The following ZC3H14 variants were observed in gnomAD, a reference collection of about 807,000 sequenced individuals.
The protein encoded by ZC3H14 is zinc finger CCCH domain-containing protein 14.
Under a neutral mutation model 92.4 loss-of-function variants are expected in ZC3H14, and 31 were observed. The ratio of observed to expected loss-of-function variants is 0.34; its 90% CI spans 0.25 to 0.45. The LOEUF (loss-of-function observed/expected upper bound fraction) is 0.45, where lower values mean the gene tolerates loss of function less well. Among genes scored for constraint, ZC3H14 ranks in the 20% least tolerant of loss-of-function variants. The pLI is 1.00. For synonymous variants in ZC3H14, 321 were observed against 300.9 expected (o/e 1.07, Z -0.69); for missense variants, 781 against 897.3 (o/e 0.87, Z 1.66).
Position 88,616,101 on chromosome 14 carries a change from G to GTAACATAGTCTGCTC in ZC3H14, c.*4352_*4366dup. 6.3e-7 allele frequency: 1 copy of GTAACATAGTCTGCTC among 1,593,238 alleles called. No individual in the cohort carries two copies. Among genetic ancestry groups the GTAACATAGTCTGCTC allele is most frequent in the Non-Finnish European group, 8.6e-7 (1 of 1,161,304 alleles). On this transcript the variant is annotated 3_prime_UTR_variant, in exon 17 of 17. Transcript: ENST00000251038. ...GTTGTTGTATTAAGTCTCTTAACTA[G>GTAACATAGTCTGCTC]TAACATAGTCTGCTCTTCATGGGCT...
intron 3 of ZC3H14, 145 bp downstream of exon 3, chr14:88,568,298 A>G (rs994364537): frequency 2.8e-6 from 2 of 711,086 alleles, no homozygotes; most frequent in African/African-American, 3.5e-5. Context: ...CCTCTGTATT[A>G]GTCCATTTTC....
At chr14:88,579,693 A>G (rs921965863) in intron 9 of ZC3H14, among the ~76,000 whole-genome samples, 2 of 152,248 alleles carry the variant, frequency 1.3e-5, no homozygotes, top group African/African-American at 4.8e-5. Context: ...TTGATTCTGA[A>G]GTTAGAATAG....
chr14:88,576,360 G>A (rs777708169), intron 8 of ZC3H14, among the ~76,000 whole-genome samples: 3 of 152,174 alleles, frequency 2.0e-5, no homozygotes, highest in Admixed American at 6.5e-5. Flanking sequence ...ATATAAACAA[G>A]GTTGGTTTCT....
At position 88,618,559 on chromosome 14, in the gene ZC3H14, T is replaced by G. The variant is rs977214981; in HGVS notation, c.*6808T>G. On this transcript the variant is annotated 3_prime_UTR_variant, in exon 17 of 17. Coordinates refer to ENST00000251038, the MANE Select transcript of ZC3H14 (RefSeq NM_024824.5). ...AAGGGAGGAGTTGAGAAGCTGGAGC[T>G]CTGGAGCTCAGGAACTTTAAATGCA... 1 of 1,425,740 alleles carries G rather than the reference T, an allele frequency of 7.0e-7. No individual in the cohort carries two copies. Among genetic ancestry groups the G allele is most frequent in the Non-Finnish European group, 9.4e-7 (1 of 1,062,146 alleles). The allele number at this position is 1,425,740 out of a possible 1,614,324, so 88.3% of individuals were successfully genotyped here.
rs531975031 is a variant in ZC3H14, at chr14:88,581,948, G to A, written c.1279+3808G>A. 6.6e-4 allele frequency among the ~76,000 whole-genome samples: 100 copies of A among 152,260 alleles called. 1 individual carries two copies. In the South Asian group the frequency reaches 0.018, roughly 27 times the overall value. On this transcript the variant is annotated intron_variant, in intron 9 of 16. Coordinates refer to ENST00000251038, the MANE Select transcript of ZC3H14 (RefSeq NM_024824.5). ...TTTATGCTGTCTTTTCTGTGAGAAC[G>A]ATACCACTGGGTAACCCCATAGGAC...
chr14:88,563,099 C>T lies in ZC3H14; in HGVS notation c.-35C>T. 6.4e-7 allele frequency: 1 copy of T among 1,570,782 alleles called. No individual in the cohort carries two copies. The highest frequency in any genetic ancestry group is 8.6e-7 in the Non-Finnish European group (1 of 1,164,532). On this transcript the variant is annotated 5_prime_UTR_variant, in exon 1 of 17. Coordinates refer to ENST00000251038, the MANE Select transcript of ZC3H14 (RefSeq NM_024824.5). ...CGGCAGCCTCCGGGTAAGCCAAGCG[C>T]CGCGCAGTGCTGAGTTCCCGCACGC...
chr14:88,578,362 A>C (rs966460428), intron 9 of ZC3H14, among the ~76,000 whole-genome samples: 3 of 152,032 alleles, frequency 2.0e-5, no homozygotes, highest in Admixed American at 2.0e-4. Flanking sequence ...GGCAGTCCTC[A>C]AACTCCTGGG....
chr14:88,576,897 T>C (rs2081234995), intron 8 of ZC3H14, among the ~76,000 whole-genome samples: 1 of 152,110 alleles, frequency 6.6e-6, no homozygotes, highest in Non-Finnish European at 1.5e-5. Flanking sequence ...TCCAAGCGAT[T>C]CTCCTGCCTC....
Position 88,616,796 on chromosome 14 carries a change from C to G in ZC3H14, c.*5045C>G, listed in dbSNP as rs749630352. ...GTCATCTCCTGTAACAAGACTGATTCCTGAATGAGATACACAGGCACAGTT... is the reference window on the plus strand; with the variant it reads ...GTCATCTCCTGTAACAAGACTGATTGCTGAATGAGATACACAGGCACAGTT... On this transcript the variant is annotated 3_prime_UTR_variant, in exon 17 of 17. Transcript: ENST00000251038. 60 of 1,613,782 alleles carry G rather than the reference C, an allele frequency of 3.7e-5. No individual in the cohort carries two copies. Among genetic ancestry groups the G allele is most frequent in the East Asian group, 3.1e-4 (14 of 44,864 alleles).
At chr14:88,610,589 G>A (rs964644891) in intron 15 of ZC3H14, among the ~76,000 whole-genome samples, 1 of 149,668 alleles carries the variant, frequency 6.7e-6, no homozygotes, top group Non-Finnish European at 1.5e-5. Context: ...TGGAAGGATC[G>A]TTTGAGCCCG....
chr14:88,595,320 A>G (rs2083663902), intron 9 of ZC3H14, among the ~76,000 whole-genome samples: 1 of 152,224 alleles, frequency 6.6e-6, no homozygotes, highest in African/African-American at 2.4e-5. Context: ...GGAGCTCTCT[A>G]AAACGATGTT....
rs35814324 is a variant in ZC3H14, at chr14:88,610,854, A to G, written c.2118A>G (p.Gln706=). ...YHPKHCRFNT[Q]CTRPDCTFYH... Reference sequence around the variant, plus strand: ...TTCAGCATTGTAGGTTTAACACTCAATGTACAAGACCGGACTGCACATTCT... The same window carrying G: ...TTCAGCATTGTAGGTTTAACACTCAGTGTACAAGACCGGACTGCACATTCT... The change falls in exon 16 of 17, where the codon CAA becomes CAG. Residue 706 remains glutamine (Q), a synonymous_variant. Coordinates refer to ENST00000251038, the MANE Select transcript of ZC3H14 (RefSeq NM_024824.5). 2.4e-3 allele frequency: 3,822 copies of G among 1,614,118 alleles called. 72 individuals carry two copies. In the African/African-American group the frequency reaches 0.044, roughly 19 times the overall value.
At chr14:88,563,228 G>C (rs941154047) in intron 1 of ZC3H14, 59 bp downstream of exon 1, 3 of 1,569,972 alleles carry the variant, frequency 1.9e-6, no homozygotes, top group East Asian at 2.4e-5. Flanking sequence ...GCGGTTGTCA[G>C]GAGTAACGGG....
chr14:88,609,214 A>G lies in ZC3H14; in HGVS notation c.1869-53A>G. On this transcript the variant is annotated intron_variant, in intron 13 of 16. Coordinates refer to ENST00000251038, the MANE Select transcript of ZC3H14 (RefSeq NM_024824.5). The stretch of plus-strand genomic sequence containing the variant: ...GTAAAGAGCCCTTATACACAGAACT[A>G]ATAATGCATTGAGAAGATTGAATAT... The G allele has an allele frequency of 5.0e-6, 8 of 1,610,640 alleles. No homozygotes were observed. The South Asian group carries it at 5.5e-5, about 11-fold the overall frequency.
At chr14:88,569,012 C>G (rs1387336476) in intron 3 of ZC3H14, among the ~76,000 whole-genome samples, 2 of 151,982 alleles carry the variant, frequency 1.3e-5, no homozygotes, top group Non-Finnish European at 2.9e-5. Context: ...CCCCTCCTTC[C>G]TGAACTCCCA....
intron 2 of ZC3H14, among the ~76,000 whole-genome samples, chr14:88,566,613 A>G (rs534541442): frequency 6.2e-4 from 94 of 152,328 alleles, no homozygotes; most frequent in Non-Finnish European, 1.0e-3. Context: ...AAATATTACA[A>G]GTATTTAAGG....
rs1048449913 is a variant in ZC3H14, at chr14:88,614,966, A to G, written c.*3215A>G. Reference sequence around the variant, plus strand: ...TTGTTTACATGTTAAACAAATGTGTATATATTAGACTACATTAAATATGCA... The same window carrying G: ...TTGTTTACATGTTAAACAAATGTGTGTATATTAGACTACATTAAATATGCA... On this transcript the variant is annotated 3_prime_UTR_variant, in exon 17 of 17. Transcript: ENST00000251038. 7.9e-5 allele frequency: 12 copies of G among 152,244 alleles called. No individual in the cohort carries two copies. Among genetic ancestry groups the G allele is most frequent in the African/African-American group, 2.9e-4 (12 of 41,474 alleles). 9.4% of individuals were successfully genotyped at this position (152,244 alleles called of 1,614,324 possible).
chr14:88,620,473 CTCTT>C lies in ZC3H14; in HGVS notation c.*8723_*8726del. On this transcript the variant is annotated 3_prime_UTR_variant, in exon 17 of 17. Coordinates refer to ENST00000251038, the MANE Select transcript of ZC3H14 (RefSeq NM_024824.5). The surrounding 1 kb of genome is among the most constrained non-coding windows in gnomAD (Gnocchi z 4.3). ...TCTCTTGTATTACAGTGGGAGATAC[CTCTT>C]GGTGGGATGAACTTAATGGACATGG... 1 of 270,124 alleles carries C rather than the reference CTCTT, an allele frequency of 3.7e-6. No homozygotes were observed. 16.7% of individuals were successfully genotyped at this position (270,124 alleles called of 1,614,324 possible).
At chr14:88,566,427 G>A (rs1275544907) in intron 2 of ZC3H14, among the ~76,000 whole-genome samples, 3 of 152,024 alleles carry the variant, frequency 2.0e-5, no homozygotes, top group East Asian at 3.9e-4. Flanking sequence ...TTTCATAAAC[G>A]ATTTGTTGTC....
Sources: gnomAD v4.1 joint callset for allele counts (sites outside exome capture counted in the v4.1 genomes callset) on GRCh38, gnomAD v4.1.1 for gene constraint, Gnocchi (gnomAD v3.1) non-coding constraint, MANE v1.5 for transcripts, NCBI Gene and HGNC (gene_info 2026-07-23, HGNC 2026-07-21) for gene names.